The following CPLANE1 variants were observed in gnomAD, a reference collection of about 807,000 sequenced individuals.
CPLANE1 encodes the protein ciliogenesis and planar polarity effector complex subunit 1, also known as ciliogenesis and planar polarity effector 1.
In CPLANE1, 263 loss-of-function variants were observed where a neutral mutation model predicts 362.5. The ratio of observed to expected loss-of-function variants is 0.73; its 90% CI spans 0.66 to 0.80. The LOEUF (loss-of-function observed/expected upper bound fraction) is 0.80. Ranked by LOEUF, CPLANE1 falls within the 30% of genes least tolerant of loss-of-function variation. The pLI is 0.00. For synonymous variants in CPLANE1, 1,212 were observed against 1,302.6 expected, an observed-to-expected ratio of 0.93 and a Z score of 1.50; for missense variants, 3,461 against 3,793.4, an observed-to-expected ratio of 0.91 and a Z score of 2.30.
chr5:37,246,566 C>T (rs1739736987), intron 2 of CPLANE1: 1 of 151,914 alleles, frequency 6.6e-6, no homozygotes, highest in Admixed American at 6.6e-5. Context: ...TTCATAAATC[C>T]CTGACTCTGC....
At chr5:37,197,050 C>T (rs541247595) in intron 20 of CPLANE1, among the ~76,000 whole-genome samples, 2 of 151,460 alleles carry the variant, frequency 1.3e-5, no homozygotes, top group African/African-American at 4.8e-5. Context: ...ACAAGCTAAA[C>T]GACACTAAAT....
intron 38 of CPLANE1, among the ~76,000 whole-genome samples, 188 bp downstream of exon 38, chr5:37,162,277 T>TA (rs1346096181): frequency 6.6e-6 from 1 of 152,238 alleles, no homozygotes; most frequent in African/African-American, 2.4e-5. Flanking sequence ...AAGTGTCTAT[T>TA]ATGTTTTACT....
downstream of CPLANE1, among the ~76,000 whole-genome samples, chr5:37,104,240 G>A (rs1015861053): frequency 6.6e-6 from 1 of 152,130 alleles, no homozygotes; most frequent in African/African-American, 2.4e-5. Context: ...TCCCTAAACT[G>A]GTTATTCTGG....
chr5:37,247,352 C>T (rs544650880), intron 2 of CPLANE1, among the ~76,000 whole-genome samples: 2 of 152,230 alleles, frequency 1.3e-5, no homozygotes, highest in Non-Finnish European at 2.9e-5. Flanking sequence ...TTAAACTTGA[C>T]TTAAACATAA....
chr5:37,086,008 C>A, the CPLANE1 span, among the ~76,000 whole-genome samples: 9 of 151,266 alleles, frequency 5.9e-5, no homozygotes, highest in African/African-American at 2.2e-4. Context: ...ATATCACAAT[C>A]CTAAACATAT....
chr5:37,165,874 T>C (rs1778101836), intron 35 of CPLANE1, among the ~76,000 whole-genome samples: 1 of 152,218 alleles, frequency 6.6e-6, no homozygotes, highest in South Asian at 2.1e-4. Flanking sequence ...CTAGAACCTC[T>C]ACTACTGAAC....
intron 51 of CPLANE1, 62 bp from the exon 52 acceptor site, chr5:37,108,533 G>C (rs775214515): frequency 5.9e-5 from 85 of 1,447,312 alleles, no homozygotes; most frequent in Middle Eastern, 1.8e-4. Flanking sequence ...TCATTCATTT[G>C]TTAATTGTGA....
intron 41 of CPLANE1, among the ~76,000 whole-genome samples, chr5:37,156,337 C>T (rs2150680566): frequency 6.6e-6 from 1 of 152,286 alleles, no homozygotes; most frequent in Non-Finnish European, 1.5e-5. Context: ...GGTGTGGTGG[C>T]TCATGCCTAT....
intron 21 of CPLANE1, among the ~76,000 whole-genome samples, chr5:37,190,890 C>T (rs988484591): frequency 6.6e-6 from 1 of 152,262 alleles, no homozygotes. Context: ...ATATACAGTA[C>T]ATAATACTTG....
At chr5:37,129,422 G>A (rs1425088431) in intron 46 of CPLANE1, among the ~76,000 whole-genome samples, 3 of 152,118 alleles carry the variant, frequency 2.0e-5, no homozygotes, top group Non-Finnish European at 4.4e-5. Flanking sequence ...AAGCTAAAAA[G>A]TTTCTGCACA....
intron 52 of CPLANE1, 98 bp downstream of exon 52, chr5:37,108,195 C>T: frequency 8.5e-7 from 1 of 1,180,802 alleles, no homozygotes; most frequent in Non-Finnish European, 1.2e-6. Context: ...TTTCCACATC[C>T]CACAAAAAAC....
In CPLANE1 at chr5:37,219,186, C is replaced by T. The variant is rs192061337; in HGVS notation, c.2746+2138G>A. 3.4e-3 allele frequency among the ~76,000 whole-genome samples: 521 copies of T among 151,828 alleles called. 2 individuals carry two copies. The highest frequency in any genetic ancestry group is 0.012 in the African/African-American group (500 of 41,398). On this transcript the variant is annotated intron_variant, in intron 15 of 52. Coordinates refer to ENST00000651892, the MANE Select transcript of CPLANE1 (RefSeq NM_001384732.1). The stretch of plus-strand genomic sequence containing the variant: ...AACCCAGGAGTTTGAGATCAGCCTG[C>T]GCAATATACCAAGACTCATCTCTAC...
the CPLANE1 span, among the ~76,000 whole-genome samples, chr5:37,081,760 A>G: frequency 6.6e-6 from 1 of 152,208 alleles, no homozygotes; most frequent in Non-Finnish European, 1.5e-5. Context: ...AACTTCCACA[A>G]GAATACATCA....
At position 37,245,833 on chromosome 5, in the gene CPLANE1, C is replaced by A. The variant is rs73750959; in HGVS notation, c.94G>T (p.Val32Phe). The change falls in exon 3 of 53, where the codon GTT becomes TTT. Residue 32 changes from valine to phenylalanine, a missense_variant. Coordinates refer to ENST00000651892, the MANE Select transcript of CPLANE1 (RefSeq NM_001384732.1). ...VSWLGKEKEA[V>F]FLLDDKFINE... is the part of the protein sequence containing the mutation. ...ATGAATTTATCATCCAAAAGAAAAA[C>A]GGCTTCTTTTTCCTAAGAGAAGAAA... The A allele has an allele frequency of 1.3e-6, 2 of 1,510,162 alleles. No individual in the cohort carries two copies. The highest frequency in any genetic ancestry group is 1.8e-6 in the Non-Finnish European group (2 of 1,132,368). 93.5% of individuals were successfully genotyped at this position (1,510,162 alleles called of 1,614,324 possible).
chr5:37,110,844 G>C (rs1009787866), intron 51 of CPLANE1, among the ~76,000 whole-genome samples: 4 of 124,844 alleles, frequency 3.2e-5, no homozygotes, highest in Non-Finnish European at 1.6e-5. Flanking sequence ...GTCTCACTCT[G>C]TCGCCCAGGC....
intron 26 of CPLANE1, among the ~76,000 whole-genome samples, chr5:37,182,247 A>G (rs1366513589): frequency 6.6e-6 from 1 of 152,122 alleles, no homozygotes; most frequent in Non-Finnish European, 1.5e-5. Context: ...TTCAGAATAA[A>G]AGCACTTGCC....
intron 50 of CPLANE1, among the ~76,000 whole-genome samples, chr5:37,119,573 G>A (rs901195175): frequency 5.3e-5 from 8 of 152,192 alleles, no homozygotes; most frequent in Non-Finnish European, 1.2e-4. Flanking sequence ...GGGAGGCTGA[G>A]GCAGGAGAAT....
rs1379739618 is a variant in CPLANE1 at position 37,243,784 on chromosome 5, TATATA to T, written c.570+586_570+590del. On this transcript the variant is annotated intron_variant, in intron 5 of 52. Coordinates refer to ENST00000651892, the MANE Select transcript of CPLANE1 (RefSeq NM_001384732.1). ...ATATAATATATACATGTTATATACA[TATATA>T]ATATACCATATAATATATAATATAT... Among the ~76,000 whole-genome samples the T allele has an allele frequency of 2.4e-4, 36 of 147,082 alleles. No individual in the cohort carries two copies. The South Asian group carries it at 5.2e-3, about 21-fold the overall frequency.
the CPLANE1 span, among the ~76,000 whole-genome samples, chr5:37,091,872 C>A: frequency 3.9e-5 from 6 of 152,094 alleles, no homozygotes; most frequent in African/African-American, 1.2e-4. Context: ...GATCCACAGC[C>A]CCAGACGATG....
Sources: gnomAD v4.1 joint callset for allele counts (sites outside exome capture counted in the v4.1 genomes callset) on GRCh38, gnomAD v4.1.1 for gene constraint, MANE v1.5 for transcripts, NCBI Gene and HGNC (gene_info 2026-07-23, HGNC 2026-07-21) for gene names.